DPH6: variants seen among roughly 807,000 people sequenced by gnomAD.
The protein encoded by DPH6 is diphthamine biosynthesis 6.
Under a neutral mutation model 38.2 loss-of-function variants are expected in DPH6, and 33 were observed. The observed-to-expected ratio is 0.86, with a 90% CI of 0.65 to 1.15. The LOEUF is 1.15. Ranked by LOEUF, DPH6 falls within the 50% of genes most tolerant of loss-of-function variation. The pLI is 0.00. For missense variants in DPH6, 325 were observed against 320.0 expected, an observed-to-expected ratio of 1.02 and a Z score of -0.12; for synonymous variants, 108 against 103.0, an observed-to-expected ratio of 1.05 and a Z score of -0.30.
At chr15:35,304,218 A>ATTTGCTCAAG (rs886913990) in intron 3 of DPH6, among the ~76,000 whole-genome samples, 10 of 152,126 alleles carry the variant, frequency 6.6e-5, no homozygotes, top group African/African-American at 2.4e-4. Flanking sequence ...ACACTAAGTG[A>ATTTGCTCAAG]TTTGCTCAAG....
chr15:35,237,911 G>C, intron 3 of DPH6: 1 of 1,407,112 alleles, frequency 7.1e-7, no homozygotes, highest in Non-Finnish European at 1.0e-6. Flanking sequence ...GGAAGGTGAA[G>C]AGGAGGACGT....
At chr15:35,280,177 CATT>C (rs1566858307) in intron 3 of DPH6, among the ~76,000 whole-genome samples, 1 of 152,190 alleles carries the variant, frequency 6.6e-6, no homozygotes, top group African/African-American at 2.4e-5. Flanking sequence ...TCTTTCCTAT[CATT>C]ATTATTCTGA....
chr15:35,385,855 TA>T (rs2052946582), intron 6 of DPH6, among the ~76,000 whole-genome samples: 1 of 152,178 alleles, frequency 6.6e-6, no homozygotes, highest in South Asian at 2.1e-4. Flanking sequence ...CATTTTTTTT[TA>T]TTATTATACT....
the DPH6 span, among the ~76,000 whole-genome samples, chr15:35,193,993 A>G: frequency 6.6e-6 from 1 of 152,192 alleles, no homozygotes; most frequent in Non-Finnish European, 1.5e-5. Flanking sequence ...TTTAGCTTTC[A>G]TCAGTAATCT....
At chr15:35,264,481 C>T (rs2051770718) in intron 3 of DPH6, among the ~76,000 whole-genome samples, 3 of 152,154 alleles carry the variant, frequency 2.0e-5, no homozygotes, top group Non-Finnish European at 4.4e-5. Context: ...TTCTCTGATT[C>T]TTAGACCTCT....
chr15:35,249,487 T>C (rs905584138), intron 3 of DPH6, among the ~76,000 whole-genome samples: 3 of 152,172 alleles, frequency 2.0e-5, no homozygotes, highest in African/African-American at 7.2e-5. Flanking sequence ...TCTATGTTCC[T>C]GGGGGTAACA....
At chr15:35,525,817 G>A (rs925486454) in intron 3 of DPH6, among the ~76,000 whole-genome samples, 1 of 152,128 alleles carries the variant, frequency 6.6e-6, no homozygotes, top group Non-Finnish European at 1.5e-5. Flanking sequence ...CCCAGCCTGG[G>A]TGACAGAATA....
intron 3 of DPH6, chr15:35,237,557 G>A (rs1341194415): frequency 2.6e-6 from 4 of 1,554,424 alleles, no homozygotes; most frequent in Admixed American, 1.7e-5. Context: ...CAGAGTCTCG[G>A]GGGGCGTGGA....
intron 3 of DPH6, chr15:35,237,273 G>C (rs567732069): frequency 2.7e-6 from 4 of 1,494,296 alleles, no homozygotes; most frequent in Non-Finnish European, 3.7e-6. Context: ...ACGCGCGGCC[G>C]TGTTATTGAT....
downstream of DPH6, among the ~76,000 whole-genome samples, chr15:35,214,174 C>A (rs532224374): frequency 6.6e-6 from 1 of 151,920 alleles, no homozygotes; most frequent in South Asian, 2.1e-4. Flanking sequence ...TCTGGGTGTC[C>A]CAAGTATCCT....
intron 3 of DPH6, among the ~76,000 whole-genome samples, chr15:35,231,793 C>A (rs921996400): frequency 4.6e-5 from 7 of 152,116 alleles, no homozygotes; most frequent in African/African-American, 1.4e-4. Flanking sequence ...GGAAGAGGAG[C>A]CAGCATGTCA....
At chr15:35,511,433 T>A (rs2054768536) in intron 3 of DPH6, among the ~76,000 whole-genome samples, 1 of 150,374 alleles carries the variant, frequency 6.7e-6, no homozygotes, top group Non-Finnish European at 1.5e-5. Flanking sequence ...ACATGTGAGA[T>A]GAAAGAGAAA....
At chr15:35,535,607 T>C (rs1169463115) in intron 3 of DPH6, among the ~76,000 whole-genome samples, 1 of 144,588 alleles carries the variant, frequency 6.9e-6, no homozygotes, top group Non-Finnish European at 1.5e-5. Flanking sequence ...AAACAAACAA[T>C]TGGAAATTAC....
chr15:35,172,391 T>C, the DPH6 span, among the ~76,000 whole-genome samples: 1 of 152,202 alleles, frequency 6.6e-6, no homozygotes, highest in East Asian at 1.9e-4. Context: ...TGTACCGTCA[T>C]GTTGGTGCTC....
At chr15:35,181,430 C>G in the DPH6 span, among the ~76,000 whole-genome samples, 3 of 148,956 alleles carry the variant, frequency 2.0e-5, no homozygotes, top group Non-Finnish European at 4.4e-5. Flanking sequence ...GTTCACTATT[C>G]TTGCCCTCAG....
At chr15:35,540,721 TTTGC>T (rs1232176674) in intron 2 of DPH6, among the ~76,000 whole-genome samples, 1 of 152,092 alleles carries the variant, frequency 6.6e-6, no homozygotes, top group African/African-American at 2.4e-5. Flanking sequence ...AAAAATATAC[TTTGC>T]TTGTCATTTT....
intron 3 of DPH6, among the ~76,000 whole-genome samples, chr15:35,364,747 T>G (rs1338589279): frequency 1.3e-5 from 2 of 152,028 alleles, no homozygotes; most frequent in Non-Finnish European, 2.9e-5. Context: ...ATCATGTGCC[T>G]GAATATCTAC....
intron 3 of DPH6, among the ~76,000 whole-genome samples, chr15:35,499,881 G>A (rs2054603933): frequency 6.6e-6 from 1 of 152,172 alleles, no homozygotes. Context: ...CAGGCCAGTA[G>A]AAGCAAGAAT....
At chr15:35,227,128 C>A (rs1166790089) in intron 3 of DPH6, among the ~76,000 whole-genome samples, 1 of 151,244 alleles carries the variant, frequency 6.6e-6, no homozygotes, top group Admixed American at 6.6e-5. Context: ...CTCATAGTAG[C>A]CACTAATGAA....
Sources: gnomAD v4.1 joint callset for allele counts (sites outside exome capture counted in the v4.1 genomes callset) on GRCh38, gnomAD v4.1.1 for gene constraint, MANE v1.5 for transcripts, NCBI Gene and HGNC (gene_info 2026-07-23, HGNC 2026-07-21) for gene names.